Variants in HMCN1 observed in about 807,000 individuals in gnomAD.
The protein encoded by HMCN1 is hemicentin-1.
Under a neutral mutation model 625.9 loss-of-function variants are expected in HMCN1, and 321 were observed. That is an observed-to-expected ratio of 0.51 (90% CI 0.47 to 0.56). The LOEUF (loss-of-function observed/expected upper bound fraction) is 0.56, where lower values mean the gene tolerates loss of function less well. Ranked by LOEUF, HMCN1 falls within the 20% of genes least tolerant of loss-of-function variation. The pLI is 0.00. For synonymous variants in HMCN1, 2,425 were observed against 2,417.6 expected (o/e 1.00, Z -0.09); for missense variants, 6,588 against 6,887.3 (o/e 0.96, Z 1.54).
At chr1:185,999,972 CTT>C in intron 25 of HMCN1, 71 bp from the exon 26 acceptor site, 1 of 1,064,954 alleles carries the variant, frequency 9.4e-7, no homozygotes, top group South Asian at 1.4e-5. Context: ...CTTTATTTCT[CTT>C]TGATATATTT....
At chr1:186,119,354 T>C (rs1211058010) in intron 78 of HMCN1, 56 bp downstream of exon 78, 4 of 1,234,156 alleles carry the variant, frequency 3.2e-6, no homozygotes, top group Non-Finnish European at 4.8e-6. Flanking sequence ...GGTTTTTTAG[T>C]CATATTTATT....
In HMCN1 at chr1:186,152,815, A is replaced by G. The variant is rs1650758498; in HGVS notation, c.14962A>G (p.Ile4988Val). 1.2e-6 allele frequency: 2 copies of G among 1,614,058 alleles called. No homozygotes were observed. The highest frequency in any genetic ancestry group is 1.7e-6 in the Non-Finnish European group (2 of 1,179,916). ...TTCCGATGGTTCTTTGCTGCTAGAT[A>G]TCGTTGTGAGTGGCTATGTCCTACA... The part of the protein sequence containing the change: ...LDSDGSLLLD[I>V]VVSGYVLQLQ... Residue 4988 changes from isoleucine (I) to valine (V), a missense_variant, in exon 96 of 107, where the codon ATC (isoleucine) becomes GTC (valine). Physicochemically the swap from Ile to Val is conservative, Grantham distance 29 (BLOSUM62 3). Around this residue, in one of 3 missense-constraint regions of HMCN1, gnomAD observed 1,954 missense variants for 2,013.1 expected, o/e 0.97. Transcript: ENST00000271588.
At chr1:185,825,286 G>A (rs1002470513) in intron 1 of HMCN1, among the ~76,000 whole-genome samples, 2 of 152,038 alleles carry the variant, frequency 1.3e-5, no homozygotes, top group African/African-American at 4.8e-5. Flanking sequence ...TAATAGCAAA[G>A]GTCTTCACTT....
At chr1:186,033,308 G>C (rs1655597113) in intron 36 of HMCN1, among the ~76,000 whole-genome samples, 1 of 152,088 alleles carries the variant, frequency 6.6e-6, no homozygotes, top group African/African-American at 2.4e-5. Context: ...AGTGTGATGA[G>C]GGATGAGGGA....
chr1:185,851,636 G>A (rs561892467), intron 2 of HMCN1, among the ~76,000 whole-genome samples: 36 of 152,174 alleles, frequency 2.4e-4, no homozygotes, highest in African/African-American at 8.2e-4. Context: ...TAATATCCTC[G>A]TAAATATGCA....
chr1:185,741,488 T>C (rs1244911065), intron 1 of HMCN1, among the ~76,000 whole-genome samples: 2 of 152,244 alleles, frequency 1.3e-5, no homozygotes, highest in East Asian at 3.9e-4. Flanking sequence ...TACATATAGA[T>C]GGTATTTAGG....
At chr1:185,928,254 C>A (rs1298958401) in intron 9 of HMCN1, among the ~76,000 whole-genome samples, 1 of 152,020 alleles carries the variant, frequency 6.6e-6, no homozygotes, top group Admixed American at 6.6e-5. Flanking sequence ...TATTTCTTTG[C>A]CAGCTCTGTT....
intron 2 of HMCN1, among the ~76,000 whole-genome samples, chr1:185,855,121 C>T (rs1263750026): frequency 1.3e-5 from 2 of 152,132 alleles, no homozygotes; most frequent in East Asian, 1.9e-4. Context: ...GCTTCCTCCT[C>T]GAATAAGCAA....
rs767823733 is a variant in HMCN1, at chr1:186,052,952, T to C, written c.6578T>C (p.Val2193Ala). The C allele has an allele frequency of 5.0e-5, 80 of 1,600,734 alleles. No individual in the cohort carries two copies. The highest frequency in any genetic ancestry group is 6.4e-5 in the Non-Finnish European group (75 of 1,168,792). ...AAATCATATTTTTATTTTTTTCTAG[T>C]CCCCCCAAATATTGGTGGTTCTGAT... Reference protein sequence around the residue: ...TEKNYNVNIWVPPNIGGSDEL... With the variant: ...TEKNYNVNIWAPPNIGGSDEL... Residue 2193 changes from valine (V) to alanine (A), a missense_variant and splice_region_variant, in exon 43 of 107, where the codon GTC (valine) becomes GCC (alanine). By Grantham distance (64) the Val-to-Ala change is moderately conservative. Around this residue, in one of 3 missense-constraint regions of HMCN1, gnomAD observed 4,628 missense variants for 4,853.1 expected, o/e 0.95. Transcript: ENST00000271588.
intron 18 of HMCN1, 74 bp from the exon 19 acceptor site, chr1:185,984,095 A>G: frequency 8.1e-7 from 1 of 1,238,578 alleles, no homozygotes; most frequent in Admixed American, 2.0e-5. Flanking sequence ...GGAAAAAAAG[A>G]AAAAGCAGGT....
chr1:186,141,409 G>A (rs1337449749), intron 89 of HMCN1, among the ~76,000 whole-genome samples: 1 of 152,162 alleles, frequency 6.6e-6, no homozygotes, highest in East Asian at 1.9e-4. Context: ...GATTCTTTGA[G>A]TACTTCCTTA....
At chr1:185,785,847 A>T (rs1225761291) in intron 1 of HMCN1, among the ~76,000 whole-genome samples, 1 of 152,188 alleles carries the variant, frequency 6.6e-6, no homozygotes, top group Non-Finnish European at 1.5e-5. Context: ...CTTTAGTGGG[A>T]TATTTTAAAA....
chr1:185,847,339 C>T (rs1208973709), intron 2 of HMCN1, among the ~76,000 whole-genome samples: 3 of 152,166 alleles, frequency 2.0e-5, no homozygotes, highest in Non-Finnish European at 2.9e-5. Context: ...ACTCTTAATA[C>T]TCCCATGATG....
At chr1:185,843,280 A>G (rs1661598765) in intron 1 of HMCN1, among the ~76,000 whole-genome samples, 1 of 152,224 alleles carries the variant, frequency 6.6e-6, no homozygotes, top group Non-Finnish European at 1.5e-5. Context: ...ATTAACAAAG[A>G]TAAGGTTTAA....
chr1:185,956,280 A>G (rs1030419088), intron 11 of HMCN1, among the ~76,000 whole-genome samples: 4 of 151,988 alleles, frequency 2.6e-5, no homozygotes, highest in African/African-American at 9.7e-5. Flanking sequence ...AACTATCTAG[A>G]TCCCACAGAT....
At chr1:185,818,389 T>C (rs572042722) in intron 1 of HMCN1, among the ~76,000 whole-genome samples, 154 of 152,308 alleles carry the variant, frequency 1.0e-3, no homozygotes, top group African/African-American at 3.4e-3. Context: ...ATGTAAGTGT[T>C]TGGAGATTAT....
chr1:186,038,539 C>T (rs1417992249), intron 37 of HMCN1, among the ~76,000 whole-genome samples: 2 of 151,854 alleles, frequency 1.3e-5, no homozygotes, highest in African/African-American at 4.8e-5. Flanking sequence ...AAACATACAA[C>T]AAAAAATAGA....
intron 1 of HMCN1, among the ~76,000 whole-genome samples, chr1:185,832,347 G>A (rs1660921384): frequency 6.6e-6 from 1 of 151,994 alleles, no homozygotes; most frequent in South Asian, 2.1e-4. Flanking sequence ...AAGCATGAAT[G>A]GCCAGAAAAA....
chr1:186,163,159 G>GC (rs1651630372), intron 97 of HMCN1, among the ~76,000 whole-genome samples: 7 of 152,200 alleles, frequency 4.6e-5, no homozygotes, highest in Non-Finnish European at 1.5e-5. Context: ...TTTGATCTCA[G>GC]ACTGCTGTGC....
Sources: gnomAD v4.1 joint callset for allele counts (sites outside exome capture counted in the v4.1 genomes callset) on GRCh38, gnomAD v4.1.1 for gene constraint, gnomAD v4.1.1 regional missense constraint, MANE v1.5 for transcripts, NCBI Gene and HGNC (gene_info 2026-07-23, HGNC 2026-07-21) for gene names.